Variants in NDUFAF4 observed in about 807,000 individuals in gnomAD.
The protein encoded by NDUFAF4 is NADH dehydrogenase [ubiquinone] 1 alpha subcomplex assembly factor 4.
In NDUFAF4, 10 loss-of-function variants were observed where a neutral mutation model predicts 15.6. The observed-to-expected ratio is 0.64, with a 90% CI of 0.40 to 1.09. The LOEUF (loss-of-function observed/expected upper bound fraction) is 1.09. Ranked by LOEUF, NDUFAF4 falls within the 50% of genes least tolerant of loss-of-function variation. The pLI, the probability that NDUFAF4 is intolerant of heterozygous loss-of-function variation, is 0.01. For synonymous variants in NDUFAF4, 77 were observed against 73.3 expected, an observed-to-expected ratio of 1.05 and a Z score of -0.26; for missense variants, 203 against 207.3, an observed-to-expected ratio of 0.98 and a Z score of 0.13.
chr6:96,897,632 C>A, intron 1 of NDUFAF4, 34 bp downstream of exon 1: 1 of 1,611,440 alleles, frequency 6.2e-7, no homozygotes, highest in South Asian at 1.1e-5. Context: ...GGACTCCGCG[C>A]CCCCGGGCCC....
chr6:96,893,117 A>T (rs1775334478), intron 2 of NDUFAF4, among the ~76,000 whole-genome samples: 1 of 152,036 alleles, frequency 6.6e-6, no homozygotes, highest in East Asian at 1.9e-4. Context: ...TACTCATTAC[A>T]CCAATCAATG....
At chr6:96,893,442 CA>C (rs1192167602) in intron 2 of NDUFAF4, among the ~76,000 whole-genome samples, 4 of 152,144 alleles carry the variant, frequency 2.6e-5, no homozygotes, top group Non-Finnish European at 5.9e-5. Context: ...TCACTTCTCC[CA>C]AATTCACATT....
intron 1 of NDUFAF4, 76 bp from the exon 2 acceptor site, chr6:96,896,923 G>C: frequency 9.4e-7 from 1 of 1,068,806 alleles, no homozygotes; most frequent in Non-Finnish European, 1.4e-6. Context: ...TAACACAAAC[G>C]CTTTCTTTTA....
chr6:96,891,020 T>C lies in NDUFAF4; in HGVS notation c.*84A>G. On this transcript the variant is annotated 3_prime_UTR_variant, in exon 3 of 3. Coordinates refer to ENST00000316149, the MANE Select transcript of NDUFAF4 (RefSeq NM_014165.4). The stretch of plus-strand genomic sequence containing the variant: ...AATGAGAGCATTAAATATTTGGTAA[T>C]TAACATAATTTATTACGCAAAAAAT... 1 of 1,273,140 alleles carries C rather than the reference T, an allele frequency of 7.9e-7. No homozygotes were observed. The highest frequency in any genetic ancestry group is 1.1e-6 in the Non-Finnish European group (1 of 892,946). The allele number at this position is 1,273,140 out of a possible 1,614,324, so 78.9% of individuals were successfully genotyped here. A position where few individuals can be genotyped will look rare whatever the true frequency, so the allele number is the denominator to read the frequency against.
rs1042655679 is a variant in NDUFAF4 at position 96,889,328 on chromosome 6, A to G, written c.*1776T>C. The stretch of plus-strand genomic sequence containing the variant: ...AGGACTGATGAATGGTATGGGAAGA[A>G]GTTCTTTATTTTATCATGTGACACC... On this transcript the variant is annotated 3_prime_UTR_variant, in exon 3 of 3. Coordinates refer to ENST00000316149, the MANE Select transcript of NDUFAF4 (RefSeq NM_014165.4). 2.6e-5 allele frequency: 4 copies of G among 152,212 alleles called. No individual in the cohort carries two copies. The highest frequency in any genetic ancestry group is 9.7e-5 in the African/African-American group (4 of 41,436). 9.4% of individuals were successfully genotyped at this position (152,212 alleles called of 1,614,324 possible).
chr6:96,891,745 A>C (rs1720068210), intron 2 of NDUFAF4, among the ~76,000 whole-genome samples: 1 of 151,932 alleles, frequency 6.6e-6, no homozygotes, highest in Admixed American at 6.6e-5. Context: ...AAGTTTCCTG[A>C]GGCCTCCCCA....
Position 96,897,637 on chromosome 6 carries a change from G to A in NDUFAF4, c.136+29C>T, listed in dbSNP as rs774362134. 5 of 1,612,322 alleles carry A rather than the reference G, an allele frequency of 3.1e-6. No homozygotes were observed. The South Asian group carries it at 3.3e-5, about 11-fold the overall frequency. On this transcript the variant is annotated intron_variant, in intron 1 of 2. Transcript: ENST00000316149. ...GGCAGCACAGGGACTCCGCGCCCCC[G>A]GGCCCCGAAACGCCCTCGCACCACT...
chr6:96,897,611 G>T, intron 1 of NDUFAF4, 55 bp downstream of exon 1: 1 of 1,609,454 alleles, frequency 6.2e-7, no homozygotes. Flanking sequence ...AGGGACAGCC[G>T]GGCAGCACAG....
At chr6:96,895,087 G>C (rs1013933682) in intron 2 of NDUFAF4, among the ~76,000 whole-genome samples, 5 of 152,054 alleles carry the variant, frequency 3.3e-5, no homozygotes, top group African/African-American at 1.2e-4. Flanking sequence ...GAAAGGTCTG[G>C]GCTCTTCAAC....
Position 96,890,310 on chromosome 6 carries a change from A to C in NDUFAF4, c.*794T>G, listed in dbSNP as rs185734068. The C allele has an allele frequency of 9.2e-5, 14 of 152,176 alleles. No homozygotes were observed. The highest frequency in any genetic ancestry group is 3.4e-4 in the African/African-American group (14 of 41,528). The allele number at this position is 152,176 out of a possible 1,614,324, so 9.4% of individuals were successfully genotyped here. A position where few individuals can be genotyped will look rare whatever the true frequency, so the allele number is the denominator to read the frequency against. On this transcript the variant is annotated 3_prime_UTR_variant, in exon 3 of 3. Coordinates refer to ENST00000316149, the MANE Select transcript of NDUFAF4 (RefSeq NM_014165.4). ...TACCATGGTTTTTTAATTATTCTTTAAATTTTTCTCTATTTCCACATTAAA... is the reference window on the plus strand; with the variant it reads ...TACCATGGTTTTTTAATTATTCTTTCAATTTTTCTCTATTTCCACATTAAA...
intron 2 of NDUFAF4, among the ~76,000 whole-genome samples, chr6:96,891,728 T>C (rs1582311414): frequency 6.6e-6 from 1 of 151,890 alleles, no homozygotes; most frequent in South Asian, 2.1e-4. Flanking sequence ...CATTCCACCA[T>C]GATTATAAGT....
rs1209934949 is a variant in NDUFAF4 at position 96,896,622 on chromosome 6, G to A, written c.240+122C>T. 45 of 812,696 alleles carry A rather than the reference G, an allele frequency of 5.5e-5. 1 individual carries two copies. In the South Asian group the frequency reaches 5.6e-4, roughly 10 times the overall value. 50.3% of individuals were successfully genotyped at this position (812,696 alleles called of 1,614,324 possible). A position where few individuals can be genotyped will look rare whatever the true frequency, so the allele number is the denominator to read the frequency against. ...CAGTGTGCTTAAACTTTGCCAAGGC[G>A]TGTAGATTGATCACAACACACACTT... On this transcript the variant is annotated intron_variant, in intron 2 of 2. Coordinates refer to ENST00000316149, the MANE Select transcript of NDUFAF4 (RefSeq NM_014165.4).
At chr6:96,895,075 G>T (rs1330515925) in intron 2 of NDUFAF4, among the ~76,000 whole-genome samples, 1 of 152,172 alleles carries the variant, frequency 6.6e-6, no homozygotes, top group African/African-American at 2.4e-5. Flanking sequence ...TAAGTAAGTG[G>T]AGAAAGGTCT....
At chr6:96,892,892 C>G (rs1775332161) in intron 2 of NDUFAF4, among the ~76,000 whole-genome samples, 1 of 152,156 alleles carries the variant, frequency 6.6e-6, no homozygotes, top group Non-Finnish European at 1.5e-5. Flanking sequence ...TTAATTACTT[C>G]CAAAGCTGTG....
rs1205924992 is a variant in NDUFAF4 at position 96,889,640 on chromosome 6, A to T, written c.*1464T>A. The T allele has an allele frequency of 6.6e-6, 1 of 152,604 alleles. No homozygotes were observed. The highest frequency in any genetic ancestry group is 1.5e-5 in the Non-Finnish European group (1 of 68,030). The allele number at this position is 152,604 out of a possible 1,614,324, so 9.5% of individuals were successfully genotyped here. On this transcript the variant is annotated 3_prime_UTR_variant, in exon 3 of 3. Coordinates refer to ENST00000316149, the MANE Select transcript of NDUFAF4 (RefSeq NM_014165.4). ...CTTAGTCCATTTTTCTGTTCTCAGC[A>T]TTACTACAAATGCCTCATTCCGTCA...
chr6:96,891,294 T>C lies in NDUFAF4; in HGVS notation c.338A>G (p.Lys113Arg), dbSNP rs1223127226. The change falls in exon 3 of 3, where the codon AAA becomes AGA. Residue 113 changes from lysine to arginine, a missense_variant. Transcript: ENST00000316149. ...MINIKSIPKG[K>R]ISIVEALTLL... ...TGTCAATGCTTCTACAATGGAAATT[T>C]TGCCTTTGGGAATGCTCTTAATATT... 1 of 1,613,904 alleles carries C rather than the reference T, an allele frequency of 6.2e-7. No homozygotes were observed. The highest frequency in any genetic ancestry group is 8.5e-7 in the Non-Finnish European group (1 of 1,179,878).
intron 2 of NDUFAF4, among the ~76,000 whole-genome samples, chr6:96,895,826 T>A (rs980946031): frequency 2.6e-5 from 4 of 152,150 alleles, no homozygotes; most frequent in African/African-American, 9.7e-5. Context: ...AATAATTCTA[T>A]CTGTGCAAAT....
intron 2 of NDUFAF4, among the ~76,000 whole-genome samples, chr6:96,891,928 T>C (rs1476179631): frequency 1.3e-5 from 2 of 152,148 alleles, no homozygotes; most frequent in African/African-American, 4.8e-5. Flanking sequence ...TAATGAGCCA[T>C]AGTTTAATAG....
Position 96,890,290 on chromosome 6 carries a change from TG to T in NDUFAF4, c.*813del, listed in dbSNP as rs1422022313. 2.0e-5 allele frequency: 3 copies of T among 152,146 alleles called. No homozygotes were observed. The highest frequency in any genetic ancestry group is 2.0e-4 in the Admixed American group (3 of 15,270). The allele number at this position is 152,146 out of a possible 1,614,324, so 9.4% of individuals were successfully genotyped here. On this transcript the variant is annotated 3_prime_UTR_variant, in exon 3 of 3. Coordinates refer to ENST00000316149, the MANE Select transcript of NDUFAF4 (RefSeq NM_014165.4). ...TGTAATCACCAAATTTCATCTACCA[TG>T]GTTTTTTAATTATTCTTTAAATTTT...
Sources: allele counts gnomAD v4.1 joint callset (sites outside exome capture counted in the v4.1 genomes callset), GRCh38; gene constraint gnomAD v4.1.1; transcripts MANE v1.5; gene names NCBI Gene and HGNC (gene_info 2026-07-23, HGNC 2026-07-21).